ERBB4: variants seen among roughly 807,000 people sequenced by gnomAD.
ERBB4 encodes receptor tyrosine-protein kinase erbB-4.
Under a neutral mutation model 158.0 loss-of-function variants are expected in ERBB4, and 42 were observed. The observed-to-expected ratio is 0.27, with a 90% CI of 0.21 to 0.34. ERBB4 has a LOEUF of 0.34. ERBB4 is among the 10% of genes least tolerant of loss of function. ERBB4 has a pLI of 1.00. For synonymous variants in ERBB4, 583 were observed against 558.7 expected (o/e 1.04, Z -0.61); for missense variants, 1,333 against 1,624.1 (o/e 0.82, Z 3.08).
intron 9 of ERBB4, among the ~76,000 whole-genome samples, 182 bp from the exon 10 acceptor site, chr2:211,705,573 T>C (rs1296086727): frequency 3.3e-5 from 5 of 152,204 alleles, no homozygotes; most frequent in Non-Finnish European, 7.3e-5. Context: ...GTGGAAATTT[T>C]TGATGTCACA....
intron 2 of ERBB4, among the ~76,000 whole-genome samples, chr2:212,074,746 G>C (rs775952671): frequency 5.5e-4 from 83 of 151,990 alleles, no homozygotes; most frequent in Middle Eastern, 3.4e-3. Flanking sequence ...CTTACAACTA[G>C]ACACTGAAAC....
chr2:212,289,913 A>G (rs1373225978), intron 1 of ERBB4, among the ~76,000 whole-genome samples: 1 of 152,212 alleles, frequency 6.6e-6, no homozygotes, highest in Non-Finnish European at 1.5e-5. Flanking sequence ...TTTAACTGAT[A>G]CCAAATCTTT....
chr2:212,083,620 G>T (rs562199598), intron 2 of ERBB4, among the ~76,000 whole-genome samples: 2 of 151,686 alleles, frequency 1.3e-5, no homozygotes, highest in Admixed American at 1.3e-4. Context: ...AGATAGTTTG[G>T]ATTTATTACC....
chr2:212,275,135 G>T (rs552908103), intron 1 of ERBB4, among the ~76,000 whole-genome samples: 6,979 of 151,882 alleles, frequency 0.046, 223 homozygotes, highest in African/African-American at 0.088. Flanking sequence ...GTATTTCATG[G>T]TGAACATGTG....
chr2:211,578,923 AT>A (rs1254049484), intron 19 of ERBB4, among the ~76,000 whole-genome samples: 2 of 152,218 alleles, frequency 1.3e-5, no homozygotes, highest in African/African-American at 4.8e-5. Context: ...ACCGAAAGCA[AT>A]TGCAACAAAA....
At position 212,182,564 on chromosome 2, in the gene ERBB4, G is replaced by C. The variant is rs561789516; in HGVS notation, c.83-57661C>G. On this transcript the variant is annotated intron_variant, in intron 1 of 27. Coordinates refer to ENST00000342788, the MANE Select transcript of ERBB4 (RefSeq NM_005235.3). ...TAGGTGAAAAATGATGCTCTGAACT[G>C]TTGTTTTTATTTGCATTTTTTATTA... Among the ~76,000 whole-genome samples the C allele has an allele frequency of 4.6e-5, 7 of 151,820 alleles. No homozygotes were observed. In the East Asian group the frequency reaches 1.4e-3, roughly 29 times the overall value.
At chr2:211,849,819 C>A (rs147637217) in intron 3 of ERBB4, among the ~76,000 whole-genome samples, 1 of 146,778 alleles carries the variant, frequency 6.8e-6, no homozygotes, top group Non-Finnish European at 1.5e-5. Context: ...GTATATCTTA[C>A]TGCCCAGCAA....
intron 4 of ERBB4, among the ~76,000 whole-genome samples, chr2:211,762,460 C>T (rs1350028287): frequency 3.3e-5 from 5 of 151,942 alleles, no homozygotes; most frequent in East Asian, 1.9e-4. Flanking sequence ...GGCTGGTGCA[C>T]GTGGAGAGAG....
chr2:212,002,346 C>G (rs1002533094), intron 2 of ERBB4, among the ~76,000 whole-genome samples: 1 of 152,018 alleles, frequency 6.6e-6, no homozygotes, highest in Non-Finnish European at 1.5e-5. Context: ...TCAGCTGATA[C>G]AAGATACAGA....
At chr2:212,241,262 T>C (rs923617809) in intron 1 of ERBB4, among the ~76,000 whole-genome samples, 2 of 148,628 alleles carry the variant, frequency 1.3e-5, no homozygotes, top group Non-Finnish European at 3.0e-5. Flanking sequence ...GTCTCAAAAA[T>C]AAAAAAATAA....
intron 1 of ERBB4, among the ~76,000 whole-genome samples, chr2:212,420,852 A>G (rs925473197): frequency 6.6e-6 from 1 of 152,152 alleles, no homozygotes; most frequent in African/African-American, 2.4e-5. Flanking sequence ...TTTTATTCTC[A>G]GCACACATCA....
intron 2 of ERBB4, among the ~76,000 whole-genome samples, chr2:212,080,785 C>A (rs2125466424): frequency 6.6e-6 from 1 of 151,714 alleles, no homozygotes; most frequent in South Asian, 2.1e-4. Flanking sequence ...TGAAACTATT[C>A]ATAGCCTTTC....
At chr2:211,580,102 G>T (rs542673885) in intron 19 of ERBB4, among the ~76,000 whole-genome samples, 6 of 152,144 alleles carry the variant, frequency 3.9e-5, no homozygotes, top group Non-Finnish European at 7.3e-5. Flanking sequence ...TTGTTTTGAG[G>T]AGAGTTCAAA....
intron 17 of ERBB4, among the ~76,000 whole-genome samples, chr2:211,624,413 A>G (rs188039050): frequency 4.4e-4 from 67 of 152,258 alleles, no homozygotes; most frequent in Non-Finnish European, 6.3e-4. Flanking sequence ...GAGAGGGGAA[A>G]AAAACGCACA....
At chr2:211,745,868 T>G (rs1203953251) in intron 5 of ERBB4, among the ~76,000 whole-genome samples, 1 of 152,152 alleles carries the variant, frequency 6.6e-6, no homozygotes, top group Non-Finnish European at 1.5e-5. Context: ...TAATTTCAAA[T>G]CCAGCTTCCT....
At chr2:211,642,521 T>C (rs2070634275) in intron 16 of ERBB4, among the ~76,000 whole-genome samples, 1 of 152,122 alleles carries the variant, frequency 6.6e-6, no homozygotes, top group African/African-American at 2.4e-5. Context: ...CTAGACAGGA[T>C]GTACCATCCA....
At chr2:211,435,436 G>C (rs1279858505) in intron 20 of ERBB4, among the ~76,000 whole-genome samples, 3 of 152,210 alleles carry the variant, frequency 2.0e-5, no homozygotes, top group Non-Finnish European at 4.4e-5. Context: ...GAAAACAAAG[G>C]CTAGGCGAGG....
rs569976360 is a variant in ERBB4 at position 211,835,714 on chromosome 2, A to G, written c.422-47555T>C. On this transcript the variant is annotated intron_variant, in intron 3 of 27. Coordinates refer to ENST00000342788, the MANE Select transcript of ERBB4 (RefSeq NM_005235.3). ...TATTTTTTGGTAGGTTCTGATGAAG[A>G]CAAATCATTTGCTTATGGATACTTT... Among the ~76,000 whole-genome samples, 130 of 152,216 alleles carry G rather than the reference A, an allele frequency of 8.5e-4. 1 individual carries two copies. The highest frequency in any genetic ancestry group is 3.1e-3 in the African/African-American group (127 of 41,570).
chr2:212,103,921 A>G (rs2079153667), intron 2 of ERBB4, among the ~76,000 whole-genome samples: 1 of 152,134 alleles, frequency 6.6e-6, no homozygotes. Flanking sequence ...CTTTCTCTGT[A>G]CAATGCAAAA....
Sources: gnomAD v4.1 joint callset for allele counts (sites outside exome capture counted in the v4.1 genomes callset) on GRCh38, gnomAD v4.1.1 for gene constraint, MANE v1.5 for transcripts, NCBI Gene and HGNC (gene_info 2026-07-23, HGNC 2026-07-21) for gene names.